Variants in TENM1 observed in about 807,000 individuals in gnomAD.
The protein encoded by TENM1 is teneurin transmembrane protein 1.
TENM1 carries 35 observed loss-of-function variants against 174.8 expected under a neutral mutation model. The ratio of observed to expected loss-of-function variants is 0.20; its 90% confidence interval spans 0.15 to 0.27. TENM1 has a LOEUF of 0.27. Ranked by LOEUF, TENM1 falls within the 10% of genes least tolerant of loss-of-function variation. The pLI is 1.00. For missense variants in TENM1, 1,633 were observed against 2,130.1 expected, an observed-to-expected ratio of 0.77 and a Z score of 4.59; for synonymous variants, 781 against 798.7, an observed-to-expected ratio of 0.98 and a Z score of 0.37.
chrX:124,619,673 T>G (rs1218227983), intron 11 of TENM1, among the ~76,000 whole-genome samples: 1 of 111,651 alleles, frequency 9.0e-6, no homozygotes, highest in Non-Finnish European at 1.9e-5. Context: ...AGAGTAAGAG[T>G]ATACTTGTTT....
intron 27 of TENM1, among the ~76,000 whole-genome samples, chrX:124,402,395 A>G (rs2060410360): frequency 8.9e-6 from 1 of 112,027 alleles, no homozygotes; most frequent in Non-Finnish European, 1.9e-5. Context: ...TGTTGCCCTT[A>G]TAGTCCAGTC....
chrX:124,521,550 C>T (rs2047850712), intron 17 of TENM1, among the ~76,000 whole-genome samples: 1 of 111,935 alleles, frequency 8.9e-6, no homozygotes, highest in Admixed American at 9.5e-5. Flanking sequence ...TACCATGTGG[C>T]TTTAATTAAT....
chrX:124,991,121 T>C, the TENM1 span, among the ~76,000 whole-genome samples: 2 of 111,480 alleles, frequency 1.8e-5, no homozygotes, highest in African/African-American at 6.5e-5. Context: ...CTTAATCTGA[T>C]ATCCTGCCAT....
intron 3 of TENM1, among the ~76,000 whole-genome samples, chrX:124,801,528 A>T (rs769932915): frequency 1.8e-5 from 2 of 110,932 alleles, no homozygotes; most frequent in African/African-American, 6.6e-5. Context: ...ATGGGTCTTG[A>T]CTCTTTATCC....
At chrX:125,188,585 A>C in the TENM1 span, among the ~76,000 whole-genome samples, 3 of 111,944 alleles carry the variant, frequency 2.7e-5, no homozygotes, top group South Asian at 1.1e-3. Context: ...AATTTTTACC[A>C]GTAAATCAAG....
intron 1 of TENM1, among the ~76,000 whole-genome samples, chrX:124,925,602 A>G (rs776669625): frequency 4.4e-5 from 5 of 112,484 alleles, no homozygotes; most frequent in African/African-American, 1.6e-4. Flanking sequence ...TATTGTTTGC[A>G]TGGTTGTTAA....
At chrX:125,162,695 A>G in the TENM1 span, among the ~76,000 whole-genome samples, 1 of 111,527 alleles carries the variant, frequency 9.0e-6, no homozygotes, top group African/African-American at 3.3e-5. Context: ...CTGGCTCTCT[A>G]TATTCCCTCC....
intron 11 of TENM1, among the ~76,000 whole-genome samples, chrX:124,590,535 C>T (rs1036658975): frequency 9.0e-5 from 10 of 111,187 alleles, no homozygotes; most frequent in East Asian, 2.8e-4. Flanking sequence ...GAATCAATAT[C>T]GTGAAAATGG....
At chrX:125,024,574 A>G in the TENM1 span, among the ~76,000 whole-genome samples, 3 of 111,425 alleles carry the variant, frequency 2.7e-5, no homozygotes, top group Middle Eastern at 4.6e-3. Flanking sequence ...TACACTGTGG[A>G]ATAATAAAGG....
At chrX:124,799,754 T>C (rs761108607) in intron 3 of TENM1, among the ~76,000 whole-genome samples, 9 of 111,785 alleles carry the variant, frequency 8.1e-5, no homozygotes, top group Non-Finnish European at 1.7e-4. Context: ...TAAGTAGCTC[T>C]TATAATTTTG....
chrX:124,861,801 G>A (rs1190308518), intron 3 of TENM1, among the ~76,000 whole-genome samples: 2 of 111,882 alleles, frequency 1.8e-5, no homozygotes, highest in Non-Finnish European at 1.9e-5. Context: ...ATACATGCAT[G>A]TGCTTATTTA....
the TENM1 span, among the ~76,000 whole-genome samples, chrX:125,125,526 G>A: frequency 9.0e-6 from 1 of 111,506 alleles, no homozygotes; most frequent in Middle Eastern, 4.7e-3. Flanking sequence ...GATCCAATAC[G>A]ACAGTTTGAG....
At chrX:124,888,243 A>G (rs906288150) in intron 3 of TENM1, among the ~76,000 whole-genome samples, 2 of 111,793 alleles carry the variant, frequency 1.8e-5, no homozygotes, top group African/African-American at 3.3e-5. Flanking sequence ...AACAGGGAGC[A>G]GTACTAATGG....
At chrX:125,146,617 G>A in the TENM1 span, among the ~76,000 whole-genome samples, 2 of 111,111 alleles carry the variant, frequency 1.8e-5, no homozygotes, top group Admixed American at 9.6e-5. Flanking sequence ...AAAGTGAAGG[G>A]TAGAGTAAAT....
chrX:124,791,667 C>G (rs139804965), intron 3 of TENM1, among the ~76,000 whole-genome samples: 31 of 111,530 alleles, frequency 2.8e-4, no homozygotes, highest in Non-Finnish European at 5.5e-4. Context: ...AAATGTAGAT[C>G]AAAGTGGATT....
intron 11 of TENM1, among the ~76,000 whole-genome samples, chrX:124,633,709 T>C (rs1281139833): frequency 1.8e-5 from 2 of 111,040 alleles, no homozygotes. Flanking sequence ...CTACTTTCAT[T>C]TGGGCCAAAA....
At chrX:125,134,564 C>T in the TENM1 span, among the ~76,000 whole-genome samples, 1 of 111,830 alleles carries the variant, frequency 8.9e-6, no homozygotes, top group African/African-American at 3.3e-5. Flanking sequence ...CACTAGTTTC[C>T]CCGAAACTCC....
At chrX:125,077,149 AGGAACT>A in the TENM1 span, among the ~76,000 whole-genome samples, 1 of 111,818 alleles carries the variant, frequency 8.9e-6, no homozygotes, top group East Asian at 2.8e-4. Context: ...AATAATCGGA[AGGAACT>A]GGAAGTTTTC....
chrX:124,860,206 G>A (rs760074059), intron 3 of TENM1, among the ~76,000 whole-genome samples: 4 of 111,915 alleles, frequency 3.6e-5, no homozygotes, highest in South Asian at 3.7e-4. Flanking sequence ...AATTATTTGC[G>A]TACAGGACTT....
Sources: allele counts gnomAD v4.1 joint callset (sites outside exome capture counted in the v4.1 genomes callset), GRCh38; gene constraint gnomAD v4.1.1; transcripts MANE v1.5; gene names NCBI Gene and HGNC (gene_info 2026-07-23, HGNC 2026-07-21).